ITGA8: variants seen among roughly 807,000 people sequenced by gnomAD.
ITGA8 encodes the protein integrin alpha-8.
A neutral mutation model predicts 142.3 loss-of-function variants in ITGA8; 91 were observed. The ratio of observed to expected loss-of-function variants is 0.64; its 90% CI spans 0.54 to 0.76. The LOEUF (loss-of-function observed/expected upper bound fraction) is 0.76, where lower values mean the gene tolerates loss of function less well. Among genes scored for constraint, ITGA8 ranks in the 30% least tolerant of loss-of-function variants. The pLI is 0.00. For missense variants in ITGA8, 1,406 were observed against 1,327.7 expected (o/e 1.06, Z -0.92); for synonymous variants, 505 against 485.2 (o/e 1.04, Z -0.54).
At chr10:15,680,216 C>CTTTTTTTTTTTTTTTTTT (rs71374638) in intron 4 of ITGA8, among the ~76,000 whole-genome samples, 1 of 54,230 alleles carries the variant, frequency 1.8e-5, no homozygotes, top group African/African-American at 8.3e-5. Flanking sequence ...CCAGATGCTC[C>CTTTTTTTTTTTTTTTTTT]TTTTTTTTTT....
In ITGA8 at chr10:15,604,224, A is replaced by T. The variant is rs749997097; in HGVS notation, c.2102T>A (p.Ile701Asn). ...AGGCATTACCTTGTTGTTGCGTTCG[A>T]TTCCAACATAATCTGCCTCTTCTGG... ...MIPEEADYVG[I>N]ERNNKGFRPL... is the part of the protein sequence containing the mutation. Residue 701 changes from isoleucine (I) to asparagine (N), a missense_variant, in exon 20 of 30, where the codon ATC becomes AAC. Coordinates refer to ENST00000378076, the MANE Select transcript of ITGA8 (RefSeq NM_003638.3). 2.5e-6 allele frequency: 4 copies of T among 1,611,124 alleles called. No individual in the cohort carries two copies. The highest frequency in any genetic ancestry group is 3.4e-6 in the Non-Finnish European group (4 of 1,179,158).
chr10:15,616,382 C>G (rs927020023), intron 14 of ITGA8, 132 bp downstream of exon 14: 2 of 741,300 alleles, frequency 2.7e-6, no homozygotes, highest in Non-Finnish European at 4.6e-6. Context: ...GCAAAAAATA[C>G]CTCTAGACTT....
At chr10:15,704,025 C>T (rs1167271589) in intron 2 of ITGA8, among the ~76,000 whole-genome samples, 1 of 152,128 alleles carries the variant, frequency 6.6e-6, no homozygotes, top group Non-Finnish European at 1.5e-5. Flanking sequence ...ACTATTTTTA[C>T]CTAATATAAT....
At chr10:15,584,420 G>A (rs568701585) in intron 23 of ITGA8, among the ~76,000 whole-genome samples, 5 of 152,196 alleles carry the variant, frequency 3.3e-5, no homozygotes, top group African/African-American at 9.7e-5. Flanking sequence ...GGAATCAGGG[G>A]ACCGCAAGTT....
intron 4 of ITGA8, among the ~76,000 whole-genome samples, chr10:15,680,666 CT>C (rs1441734681): frequency 6.6e-6 from 1 of 151,876 alleles, no homozygotes; most frequent in Non-Finnish European, 1.5e-5. Context: ...TCAACCCTGA[CT>C]TTTTATTTTT....
chr10:15,608,309 A>G lies in ITGA8; in HGVS notation c.1554-19T>C, dbSNP rs762659990. 2.0e-6 allele frequency: 3 copies of G among 1,528,482 alleles called. No homozygotes were observed. The highest frequency in any genetic ancestry group is 1.2e-5 in the South Asian group (1 of 84,130). 94.7% of individuals were successfully genotyped at this position (1,528,482 alleles called of 1,614,324 possible). ...AGAAAAGCTATAGAAAATAGTAGTAATTTATTGGTTAATAAAGTTTTGAAT... is the reference window on the plus strand; with the variant it reads ...AGAAAAGCTATAGAAAATAGTAGTAGTTTATTGGTTAATAAAGTTTTGAAT... On this transcript the variant is annotated intron_variant, in intron 15 of 29. Coordinates refer to ENST00000378076, the MANE Select transcript of ITGA8 (RefSeq NM_003638.3).
intron 2 of ITGA8, among the ~76,000 whole-genome samples, chr10:15,699,467 T>C (rs954527416): frequency 6.6e-6 from 1 of 152,186 alleles, no homozygotes; most frequent in Non-Finnish European, 1.5e-5. Context: ...AAACAGATGA[T>C]AGATAGATAC....
At chr10:15,653,111 T>C (rs1258566676) in intron 11 of ITGA8, among the ~76,000 whole-genome samples, 3 of 152,220 alleles carry the variant, frequency 2.0e-5, no homozygotes. Context: ...TGCTGGTTCT[T>C]GAATATGCCT....
chr10:15,518,500 C>A (rs1488785122), intron 29 of ITGA8, among the ~76,000 whole-genome samples: 1 of 152,204 alleles, frequency 6.6e-6, no homozygotes, highest in African/African-American at 2.4e-5. Flanking sequence ...GTTTATAGGT[C>A]TATTAGTCAT....
chr10:15,520,975 C>T (rs975399467), intron 28 of ITGA8, among the ~76,000 whole-genome samples: 7 of 152,156 alleles, frequency 4.6e-5, no homozygotes, highest in Non-Finnish European at 7.4e-5. Context: ...TAGCACTGAG[C>T]CCTAACCATG....
At chr10:15,665,972 T>G (rs1334646078) in intron 8 of ITGA8, among the ~76,000 whole-genome samples, 1 of 152,246 alleles carries the variant, frequency 6.6e-6, no homozygotes, top group Non-Finnish European at 1.5e-5. Flanking sequence ...CTTTGTTCTT[T>G]TGGTTTAGGA....
chr10:15,655,758 G>A (rs1001103040), intron 10 of ITGA8, among the ~76,000 whole-genome samples: 6 of 152,104 alleles, frequency 3.9e-5, no homozygotes, highest in Non-Finnish European at 8.8e-5. Flanking sequence ...TCTCACAGAA[G>A]GAATCTAATT....
At chr10:15,550,575 G>A (rs989011706) in intron 26 of ITGA8, among the ~76,000 whole-genome samples, 13 of 152,168 alleles carry the variant, frequency 8.5e-5, no homozygotes, top group African/African-American at 3.1e-4. Context: ...TGAATGGGAG[G>A]TCACCTAGCA....
intron 13 of ITGA8, among the ~76,000 whole-genome samples, chr10:15,633,312 A>C (rs574715742): frequency 1.5e-4 from 23 of 152,356 alleles, no homozygotes; most frequent in South Asian, 1.5e-3. Context: ...TGATCAAAAA[A>C]ATAAAGAAGG....
intron 29 of ITGA8, among the ~76,000 whole-genome samples, chr10:15,518,828 A>G (rs1833007581): frequency 6.6e-6 from 1 of 152,240 alleles, no homozygotes; most frequent in Non-Finnish European, 1.5e-5. Flanking sequence ...CCTCATTAGT[A>G]GTTGAAATTA....
chr10:15,592,053 G>A (rs1260413104), intron 22 of ITGA8, among the ~76,000 whole-genome samples, 172 bp downstream of exon 22: 1 of 152,134 alleles, frequency 6.6e-6, no homozygotes, highest in East Asian at 1.9e-4. Context: ...CCCCTAAAAT[G>A]TTGAAATTAC....
chr10:15,618,224 A>C (rs983642427), intron 13 of ITGA8, among the ~76,000 whole-genome samples: 1 of 126,014 alleles, frequency 7.9e-6, no homozygotes, highest in Non-Finnish European at 1.8e-5. Context: ...CTGAATCTAA[A>C]ATAAATTTAA....
chr10:15,667,983 A>G (rs1469886529), intron 8 of ITGA8, among the ~76,000 whole-genome samples: 3 of 152,180 alleles, frequency 2.0e-5, no homozygotes, highest in Non-Finnish European at 4.4e-5. Context: ...TGCTGAAAAG[A>G]ATGTATATTC....
chr10:15,528,462 T>G (rs1292779296), intron 28 of ITGA8, among the ~76,000 whole-genome samples: 1 of 151,918 alleles, frequency 6.6e-6, no homozygotes, highest in Non-Finnish European at 1.5e-5. Context: ...CCCAATAACC[T>G]TCACATAACT....
Sources: allele counts gnomAD v4.1 joint callset (sites outside exome capture counted in the v4.1 genomes callset), GRCh38; gene constraint gnomAD v4.1.1; transcripts MANE v1.5; gene names NCBI Gene and HGNC (gene_info 2026-07-23, HGNC 2026-07-21).